The following RBFOX1 variants were observed in gnomAD, a reference collection of about 807,000 sequenced individuals.
RBFOX1 encodes RNA binding fox-1 homolog 1.
RBFOX1 carries 8 observed loss-of-function variants against 57.7 expected under a neutral mutation model. That is an observed-to-expected ratio of 0.14 (90% CI 0.08 to 0.25). The LOEUF is 0.25. Ranked by LOEUF, RBFOX1 falls within the 10% of genes least tolerant of loss-of-function variation. The pLI is 1.00. For missense variants in RBFOX1, 611 were observed against 548.5 expected, an observed-to-expected ratio of 1.11 and a Z score of -1.14; for synonymous variants, 326 against 222.4, an observed-to-expected ratio of 1.47 and a Z score of -4.15.
chr16:6,828,955 C>T (rs1390273677), intron 3 of RBFOX1, among the ~76,000 whole-genome samples: 2 of 151,836 alleles, frequency 1.3e-5, no homozygotes, highest in South Asian at 2.1e-4. Flanking sequence ...CTCCCCCTTT[C>T]TTGAGTGTGT....
chr16:7,000,836 T>C lies in RBFOX1; in HGVS notation c.-15-51221T>C, dbSNP rs61631130. On this transcript the variant is annotated intron_variant, in intron 3 of 15. Transcript: ENST00000550418. ...CCAGGATGCTCTCGATCTCCTGACC[T>C]TGTGATCCGCCCGCCTCGGCCTCCC... Among the ~76,000 whole-genome samples the C allele has an allele frequency of 3.8e-3, 573 of 152,174 alleles. 4 individuals carry two copies. Among genetic ancestry groups the C allele is most frequent in the African/African-American group, 0.012 (507 of 41,530 alleles).
intron 2 of RBFOX1, among the ~76,000 whole-genome samples, chr16:6,635,499 C>A (rs866298556): frequency 1.3e-5 from 2 of 151,686 alleles, no homozygotes; most frequent in African/African-American, 4.8e-5. Flanking sequence ...GATAATTGGG[C>A]GAACAGAGGG....
At chr16:5,965,120 A>G (rs2059818499) in intron 4 of RBFOX1, among the ~76,000 whole-genome samples, 1 of 152,164 alleles carries the variant, frequency 6.6e-6, no homozygotes, top group Admixed American at 6.5e-5. Context: ...AATGCTGGTT[A>G]CTCAGAGCTG....
chr16:5,694,481 G>A (rs1046600228), intron 3 of RBFOX1, among the ~76,000 whole-genome samples: 3 of 152,114 alleles, frequency 2.0e-5, no homozygotes, highest in African/African-American at 7.2e-5. Flanking sequence ...AAATCGGTAG[G>A]CATTTCTGGG....
At chr16:7,148,072 T>G (rs2075377678) in intron 4 of RBFOX1, among the ~76,000 whole-genome samples, 2 of 152,166 alleles carry the variant, frequency 1.3e-5, no homozygotes, top group Non-Finnish European at 2.9e-5. Context: ...ACACTCAAGA[T>G]GAGCAGACAA....
rs888347537 is a variant in RBFOX1, at chr16:7,199,858, A to G, written c.27+147760A>G. Among the ~76,000 whole-genome samples, 16 of 152,206 alleles carry G rather than the reference A, an allele frequency of 1.1e-4. 1 individual carries two copies. Among genetic ancestry groups the G allele is most frequent in the Admixed American group, 2.0e-4 (3 of 15,276 alleles). ...TGTAGTGAGCTCAGATCTCATAACT[A>G]TACTCCAGCCTGGGCAACAGAGCAA... On this transcript the variant is annotated intron_variant, in intron 4 of 15. Coordinates refer to ENST00000550418, the MANE Select transcript of RBFOX1 (RefSeq NM_018723.4).
At chr16:7,488,426 C>G (rs1357737605) in intron 4 of RBFOX1, among the ~76,000 whole-genome samples, 5 of 99,674 alleles carry the variant, frequency 5.0e-5, no homozygotes, top group Admixed American at 1.3e-4. Context: ...GCCTGTCTAT[C>G]TGCTATCATT....
intron 4 of RBFOX1, among the ~76,000 whole-genome samples, chr16:7,103,496 T>C (rs1001230138): frequency 6.6e-6 from 1 of 152,176 alleles, no homozygotes; most frequent in Non-Finnish European, 1.5e-5. Flanking sequence ...TGAAAAGACG[T>C]TCACAATGTA....
Position 7,108,331 on chromosome 16 carries a change from A to G in RBFOX1, c.27+56233A>G, listed in dbSNP as rs144601109. ...ACAAACAAGAACTTCTTTCTATTTT[A>G]TTTCAGTACAGCTTGTCCTTTGTTT... On this transcript the variant is annotated intron_variant, in intron 4 of 15. Coordinates refer to ENST00000550418, the MANE Select transcript of RBFOX1 (RefSeq NM_018723.4). Among the ~76,000 whole-genome samples, 109 of 134,084 alleles carry G rather than the reference A, an allele frequency of 8.1e-4. No individual in the cohort carries two copies. In the South Asian group the frequency reaches 0.011, roughly 13 times the overall value. 88.0% of individuals were successfully genotyped at this position (134,084 alleles called of 152,430 possible). A position where few individuals can be genotyped will look rare whatever the true frequency, so the allele number is the denominator to read the frequency against.
intron 3 of RBFOX1, among the ~76,000 whole-genome samples, chr16:6,906,247 C>G (rs1012644892): frequency 6.6e-6 from 1 of 151,930 alleles, no homozygotes; most frequent in Admixed American, 6.6e-5. Context: ...TTACCCCCCC[C>G]CAAAATATAC....
intron 2 of RBFOX1, among the ~76,000 whole-genome samples, chr16:5,569,455 T>C (rs2046196784): frequency 7.8e-6 from 1 of 128,142 alleles, no homozygotes; most frequent in African/African-American, 2.9e-5. Flanking sequence ...TTTTTTTTTT[T>C]TTTTTTTTTT....
chr16:7,051,823 G>A (rs564834049), intron 3 of RBFOX1, among the ~76,000 whole-genome samples: 1 of 152,232 alleles, frequency 6.6e-6, no homozygotes, highest in East Asian at 1.9e-4. Context: ...ACTCCTGCAC[G>A]TCTCTCCTCT....
intron 3 of RBFOX1, among the ~76,000 whole-genome samples, chr16:5,735,005 C>G (rs552241489): frequency 2.0e-5 from 3 of 152,292 alleles, no homozygotes; most frequent in African/African-American, 4.8e-5. Flanking sequence ...AGAAAGAAGA[C>G]AACTCCAAGG....
chr16:6,792,339 C>G (rs1603624484), intron 3 of RBFOX1, among the ~76,000 whole-genome samples: 1 of 152,110 alleles, frequency 6.6e-6, no homozygotes, highest in Admixed American at 6.5e-5. Flanking sequence ...GCTTTCAAGT[C>G]CTTTCAGCAT....
intron 3 of RBFOX1, among the ~76,000 whole-genome samples, chr16:5,718,053 C>T (rs1006950734): frequency 1.3e-5 from 2 of 152,170 alleles, no homozygotes; most frequent in African/African-American, 2.4e-5. Flanking sequence ...TGGTATTGGC[C>T]AGGTGACTTG....
At chr16:5,600,355 G>C (rs974909178), downstream of RBFOX1, among the ~76,000 whole-genome samples, 1 of 151,262 alleles carries the variant, frequency 6.6e-6, no homozygotes, top group East Asian at 2.0e-4. Flanking sequence ...GCGTGGTGTT[G>C]TGCGCCTGCA....
At chr16:5,902,320 C>A (rs915543804) in intron 4 of RBFOX1, among the ~76,000 whole-genome samples, 3 of 152,168 alleles carry the variant, frequency 2.0e-5, no homozygotes, top group African/African-American at 7.2e-5. Flanking sequence ...AATTTGAACC[C>A]AAATTTGGGT....
chr16:6,925,638 G>C (rs1430817768), intron 3 of RBFOX1, among the ~76,000 whole-genome samples: 1 of 151,900 alleles, frequency 6.6e-6, no homozygotes, highest in African/African-American at 2.4e-5. Flanking sequence ...ATAAGATAGT[G>C]GCTACAAAGG....
At chr16:6,895,344 A>G (rs953300527) in intron 3 of RBFOX1, among the ~76,000 whole-genome samples, 5 of 150,522 alleles carry the variant, frequency 3.3e-5, no homozygotes, top group African/African-American at 1.2e-4. Flanking sequence ...TAAATATGGA[A>G]TGGAACTAAG....
Sources: gnomAD v4.1 joint callset for allele counts (sites outside exome capture counted in the v4.1 genomes callset) on GRCh38, gnomAD v4.1.1 for gene constraint, MANE v1.5 for transcripts, NCBI Gene and HGNC (gene_info 2026-07-23, HGNC 2026-07-21) for gene names.